RBM20: variants seen among roughly 807,000 people sequenced by gnomAD.
RBM20 encodes the protein RNA-binding protein 20.
A neutral mutation model predicts 110.1 loss-of-function variants in RBM20; 51 were observed. The observed-to-expected ratio is 0.46, with a 90% CI of 0.37 to 0.59. The LOEUF (loss-of-function observed/expected upper bound fraction) is 0.59. RBM20 is among the 20% of genes least tolerant of loss of function. RBM20 has a pLI of 0.00. For missense variants in RBM20, 1,512 were observed against 1,574.9 expected (o/e 0.96, Z 0.68); for synonymous variants, 589 against 618.2 (o/e 0.95, Z 0.70).
intron 1 of RBM20, among the ~76,000 whole-genome samples, chr10:110,679,933 G>A (rs547566036): frequency 1.3e-5 from 2 of 152,336 alleles, no homozygotes; most frequent in Admixed American, 1.3e-4. Flanking sequence ...GAGACGGTCG[G>A]CGGGCACCTC....
intron 1 of RBM20, among the ~76,000 whole-genome samples, chr10:110,738,231 G>T (rs1435257700): frequency 1.3e-5 from 2 of 152,130 alleles, no homozygotes; most frequent in Admixed American, 6.5e-5. Flanking sequence ...CAGAGAGAGA[G>T]TTGGCGGCCC....
intron 1 of RBM20, among the ~76,000 whole-genome samples, chr10:110,769,420 A>T (rs1184395686): frequency 9.9e-6 from 1 of 100,680 alleles, no homozygotes; most frequent in East Asian, 2.8e-4. Flanking sequence ...AGATGGAGGT[A>T]TGCTTTCTCC....
At chr10:110,823,658 A>G (rs1172359246) in intron 12 of RBM20, 44 bp downstream of exon 12, 4 of 1,545,624 alleles carry the variant, frequency 2.6e-6, no homozygotes, top group African/African-American at 1.4e-5. Flanking sequence ...GGTCTAGGAA[A>G]TAACAGTTCC....
At chr10:110,783,458 C>T (rs1254694350) in intron 3 of RBM20, 31 bp downstream of exon 3, 4 of 1,509,180 alleles carry the variant, frequency 2.7e-6, no homozygotes, top group South Asian at 1.2e-5. Flanking sequence ...CAGGCTCATG[C>T]GTAGGCTCAA....
At chr10:110,697,232 T>C (rs1862678207) in intron 1 of RBM20, among the ~76,000 whole-genome samples, 1 of 150,584 alleles carries the variant, frequency 6.6e-6, no homozygotes, top group Non-Finnish European at 1.5e-5. Flanking sequence ...AGTGCTGGGC[T>C]GTAGTCAGGT....
At chr10:110,720,038 G>A (rs1057187274) in intron 1 of RBM20, among the ~76,000 whole-genome samples, 17 of 151,992 alleles carry the variant, frequency 1.1e-4, no homozygotes, top group African/African-American at 4.1e-4. Context: ...GAGGGGTGAA[G>A]GAGCGCCCTG....
intron 1 of RBM20, among the ~76,000 whole-genome samples, chr10:110,716,503 T>G (rs989080351): frequency 2.6e-5 from 4 of 152,214 alleles, no homozygotes; most frequent in Non-Finnish European, 5.9e-5. Context: ...GATCTAATAT[T>G]GCAAGTTATT....
chr10:110,675,565 G>A (rs920178347), intron 1 of RBM20, among the ~76,000 whole-genome samples: 1 of 152,204 alleles, frequency 6.6e-6, no homozygotes, highest in Non-Finnish European at 1.5e-5. Context: ...AGGTATGTGG[G>A]CAAGCAGGGG....
rs1245884820 is a variant in RBM20, at chr10:110,784,353, G to A, written c.1350G>A (p.Arg450=). 2.6e-6 allele frequency: 4 copies of A among 1,550,786 alleles called. No individual in the cohort carries two copies. The Admixed American group carries it at 5.9e-5, about 23-fold the overall frequency. The change falls in exon 4 of 14, where the codon CGG becomes CGA. Residue 450 remains arginine (R), a synonymous_variant. Coordinates refer to ENST00000369519, the MANE Select transcript of RBM20 (RefSeq NM_001134363.3). ...CLVFSENAGI[R]CILGSAEGTL... The stretch of plus-strand genomic sequence containing the variant: ...TCGCCCTCTCCAGTGCTGGCATCCG[G>A]TGTATACTTGGTTCGGCAGAGGGAA...
chr10:110,806,724 C>T (rs1333929211), intron 7 of RBM20, among the ~76,000 whole-genome samples: 1 of 152,176 alleles, frequency 6.6e-6, no homozygotes, highest in African/African-American at 2.4e-5. Flanking sequence ...ACCATTCTCT[C>T]TACTTTTGTG....
intron 1 of RBM20, among the ~76,000 whole-genome samples, chr10:110,727,182 A>C (rs1843570504): frequency 7.1e-6 from 1 of 139,874 alleles, no homozygotes; most frequent in African/African-American, 2.7e-5. Flanking sequence ...TACTATTAAG[A>C]AATTCCCCCT....
chr10:110,662,057 T>C (rs1862112732), intron 1 of RBM20, among the ~76,000 whole-genome samples: 1 of 151,358 alleles, frequency 6.6e-6, no homozygotes, highest in Non-Finnish European at 1.5e-5. Flanking sequence ...GTCTATATGC[T>C]GTCTAATCCC....
intron 1 of RBM20, among the ~76,000 whole-genome samples, chr10:110,741,626 C>T (rs75446967): frequency 2.0e-4 from 31 of 152,306 alleles, no homozygotes; most frequent in African/African-American, 7.2e-4. Flanking sequence ...CAAGACTGCC[C>T]CACCAAGCCT....
chr10:110,801,573 T>C (rs12764962), intron 7 of RBM20, among the ~76,000 whole-genome samples: 8,285 of 152,206 alleles, frequency 0.054, 253 homozygotes, highest in Middle Eastern at 0.079. Context: ...TCTTGCTCTG[T>C]CACCAGGCTG....
intron 5 of RBM20, among the ~76,000 whole-genome samples, chr10:110,792,354 G>A (rs543646569): frequency 2.0e-5 from 3 of 152,054 alleles, no homozygotes; most frequent in Non-Finnish European, 4.4e-5. Context: ...CAGAATCATT[G>A]TAACACATCC....
chr10:110,699,202 C>T (rs1186724877), intron 1 of RBM20, among the ~76,000 whole-genome samples: 1 of 150,402 alleles, frequency 6.6e-6, no homozygotes, highest in Non-Finnish European at 1.5e-5. Flanking sequence ...TGGCTTCTTA[C>T]TCAAGGCATG....
intron 1 of RBM20, among the ~76,000 whole-genome samples, chr10:110,767,147 C>T (rs1844104803): frequency 2.6e-5 from 3 of 116,408 alleles, no homozygotes; most frequent in South Asian, 2.7e-4. Flanking sequence ...GATGGGGTGG[C>T]TGGCCGGGCG....
chr10:110,831,024 T>C (rs763452835), intron 12 of RBM20, 37 bp from the exon 13 acceptor site: 15 of 1,536,792 alleles, frequency 9.8e-6, no homozygotes, highest in South Asian at 3.6e-5. Flanking sequence ...TCCCATGCCA[T>C]CCTAACCCTG....
intron 1 of RBM20, among the ~76,000 whole-genome samples, chr10:110,665,091 T>G (rs1862158019): frequency 6.6e-6 from 1 of 152,140 alleles, no homozygotes. Flanking sequence ...TGCCCAAGCT[T>G]GTCTCAAGCT....
Sources: allele counts gnomAD v4.1 joint callset (sites outside exome capture counted in the v4.1 genomes callset), GRCh38; gene constraint gnomAD v4.1.1; transcripts MANE v1.5; gene names NCBI Gene and HGNC (gene_info 2026-07-23, HGNC 2026-07-21).